CFTR: variants seen among roughly 807,000 people sequenced by gnomAD.
The protein encoded by CFTR is CF transmembrane conductance regulator, also known as cystic fibrosis transmembrane conductance regulator.
A neutral mutation model predicts 171.6 loss-of-function variants in CFTR; 181 were observed. The ratio of observed to expected loss-of-function variants is 1.05; its 90% CI spans 0.93 to 1.19. The LOEUF is 1.19. Ranked by LOEUF, CFTR falls within the 50% of genes most tolerant of loss-of-function variation. The pLI, the probability that CFTR is intolerant of heterozygous loss-of-function variation, is 0.00. For missense variants in CFTR, 1,968 were observed against 1,734.7 expected (o/e 1.13, Z -2.39); for synonymous variants, 583 against 608.0 (o/e 0.96, Z 0.60).
intron 1 of CFTR, among the ~76,000 whole-genome samples, chr7:117,487,430 C>T (rs932512155): frequency 2.0e-5 from 3 of 152,070 alleles, no homozygotes; most frequent in African/African-American, 7.2e-5. Context: ...AACTTCACTC[C>T]TTTAGGCAGT....
chr7:117,488,456 T>C (rs1798107216), intron 1 of CFTR, among the ~76,000 whole-genome samples: 1 of 152,110 alleles, frequency 6.6e-6, no homozygotes, highest in Non-Finnish European at 1.5e-5. Context: ...TTAACAGTTA[T>C]TAGATTATTG....
intron 6 of CFTR, among the ~76,000 whole-genome samples, 162 bp downstream of exon 6, chr7:117,535,573 A>G (rs371522886): frequency 5.3e-5 from 7 of 132,602 alleles, no homozygotes; most frequent in African/African-American, 2.1e-4. Context: ...TCTGTCACCC[A>G]GGCTGGAGTG....
chr7:117,500,677 G>A (rs549914533), intron 1 of CFTR, among the ~76,000 whole-genome samples: 1 of 152,182 alleles, frequency 6.6e-6, no homozygotes, highest in Non-Finnish European at 1.5e-5. Flanking sequence ...TCATTGTTGG[G>A]CAGCATAAGC....
intron 1 of CFTR, among the ~76,000 whole-genome samples, chr7:117,501,786 A>AAAC (rs1798335890): frequency 7.1e-6 from 1 of 140,548 alleles, no homozygotes; most frequent in African/African-American, 2.8e-5. Flanking sequence ...CAAAAAAAAA[A>AAAC]AAAAAACAAA....
At chr7:117,554,805 T>C (rs1799324595) in intron 10 of CFTR, among the ~76,000 whole-genome samples, 1 of 152,196 alleles carries the variant, frequency 6.6e-6, no homozygotes, top group South Asian at 2.1e-4. Context: ...AAGATGAAAC[T>C]GTTATAATTA....
At chr7:117,647,029 A>T (rs182371406) in intron 23 of CFTR, among the ~76,000 whole-genome samples, 2 of 152,210 alleles carry the variant, frequency 1.3e-5, no homozygotes, top group African/African-American at 2.4e-5. Flanking sequence ...TTACAAAATT[A>T]TTCTCTATTT....
intron 17 of CFTR, among the ~76,000 whole-genome samples, chr7:117,604,170 TTCTA>T (rs10604610): frequency 0.047 from 7,161 of 152,242 alleles, 564 homozygotes; most frequent in African/African-American, 0.16. Flanking sequence ...AATATATTTT[TTCTA>T]TTGATTAAGT....
intron 23 of CFTR, among the ~76,000 whole-genome samples, chr7:117,647,798 G>C (rs1290021787): frequency 6.6e-6 from 1 of 151,794 alleles, no homozygotes; most frequent in Non-Finnish European, 1.5e-5. Flanking sequence ...TGGGAATTCA[G>C]ACATGAGTAA....
chr7:117,495,963 A>T (rs1798229330), intron 1 of CFTR, among the ~76,000 whole-genome samples: 1 of 152,174 alleles, frequency 6.6e-6, no homozygotes, highest in Non-Finnish European at 1.5e-5. Flanking sequence ...CTATCACCAT[A>T]ACCAATTTTA....
At chr7:117,501,747 C>CAAAAAAAAAAAAAAAAAAAAAAAAAA (rs1212853305) in intron 1 of CFTR, among the ~76,000 whole-genome samples, 19 of 43,888 alleles carry the variant, frequency 4.3e-4, no homozygotes, top group Admixed American at 6.2e-4. Flanking sequence ...AACTCTGTCT[C>CAAAAAAAAAAAAAAAAAAAAAAAAAA]AAAAAAAAAA....
rs1584793633 is a variant in CFTR at position 117,548,822 on chromosome 7, A to C, written c.1391A>C (p.Lys464Thr). 1 of 1,609,108 alleles carries C rather than the reference A, an allele frequency of 6.2e-7. No individual in the cohort carries two copies. The highest frequency in any genetic ancestry group is 1.7e-5 in the Admixed American group (1 of 59,608). The change falls in exon 10 of 27, where the codon AAG becomes ACG. Residue 464 changes from lysine (K) to threonine (T), a missense_variant and splice_region_variant. By Grantham distance (78) the Lys-to-Thr change is moderately conservative. Coordinates refer to ENST00000003084, the MANE Select transcript of CFTR (RefSeq NM_000492.4). ...LAVAGSTGAG[K>T]TSLLMVIMGE... ...GTTGCTGGATCCACTGGAGCAGGCAAGGTAGTTCTTTTGTTCTTCACTATT... is the reference window on the plus strand; with the variant it reads ...GTTGCTGGATCCACTGGAGCAGGCACGGTAGTTCTTTTGTTCTTCACTATT...
intron 24 of CFTR, among the ~76,000 whole-genome samples, chr7:117,657,029 T>A (rs1210230551): frequency 1.3e-5 from 2 of 152,148 alleles, no homozygotes; most frequent in Non-Finnish European, 2.9e-5. Flanking sequence ...AAAGAAAACA[T>A]TAACTAAATT....
intron 23 of CFTR, among the ~76,000 whole-genome samples, chr7:117,648,464 A>G (rs1278511238): frequency 2.6e-5 from 4 of 151,998 alleles, no homozygotes; most frequent in Non-Finnish European, 5.9e-5. Flanking sequence ...TGGTGCTCTT[A>G]TTTTTCTCTG....
rs144014422 is a variant in CFTR, at chr7:117,546,949, C to T, written c.1210-1692C>T. ...TTGGTTGTTCTCTTGAATGTACTGC[C>T]ATATGACGTGGTGTGATTTCAATTG... is the stretch of plus-strand genomic sequence containing the variant. On this transcript the variant is annotated intron_variant, in intron 9 of 26. Coordinates refer to ENST00000003084, the MANE Select transcript of CFTR (RefSeq NM_000492.4). 6.4e-3 allele frequency among the ~76,000 whole-genome samples: 968 copies of T among 152,222 alleles called. 3 individuals carry two copies. Among genetic ancestry groups the T allele is most frequent in the Non-Finnish European group, 0.01 (687 of 68,004 alleles).
At chr7:117,485,966 G>A (rs1374887578) in intron 1 of CFTR, among the ~76,000 whole-genome samples, 4 of 151,978 alleles carry the variant, frequency 2.6e-5, no homozygotes, top group East Asian at 1.9e-4. Flanking sequence ...ATTGTAGATC[G>A]ATGACATTCA....
At chr7:117,523,257 G>A (rs1366665053) in intron 3 of CFTR, among the ~76,000 whole-genome samples, 1 of 152,180 alleles carries the variant, frequency 6.6e-6, no homozygotes. Context: ...TAAAGCAGGA[G>A]GATCTGTTGA....
At chr7:117,659,724 C>T (rs1402571181) in intron 24 of CFTR, among the ~76,000 whole-genome samples, 1 of 152,190 alleles carries the variant, frequency 6.6e-6, no homozygotes, top group Non-Finnish European at 1.5e-5. Flanking sequence ...AAATAGTTTC[C>T]ATCCTTACTC....
chr7:117,640,590 T>C (rs1048358062), intron 22 of CFTR, among the ~76,000 whole-genome samples: 2 of 152,160 alleles, frequency 1.3e-5, no homozygotes, highest in African/African-American at 4.8e-5. Flanking sequence ...TGTTGAACTT[T>C]CCTTTCTTTT....
intron 10 of CFTR, among the ~76,000 whole-genome samples, chr7:117,557,298 T>G (rs1184599120): frequency 6.6e-6 from 1 of 152,158 alleles, no homozygotes; most frequent in Non-Finnish European, 1.5e-5. Flanking sequence ...ATCATTTTTG[T>G]GTATCCAGTA....
Sources: allele counts gnomAD v4.1 joint callset (sites outside exome capture counted in the v4.1 genomes callset), GRCh38; gene constraint gnomAD v4.1.1; transcripts MANE v1.5; gene names NCBI Gene and HGNC (gene_info 2026-07-23, HGNC 2026-07-21).